Variants in PPARA observed in about 807,000 individuals in gnomAD.
The protein encoded by PPARA is peroxisome proliferator-activated receptor alpha.
PPARA carries 22 observed loss-of-function variants against 42.2 expected under a neutral mutation model. The observed-to-expected ratio is 0.52, with a 90% CI of 0.37 to 0.74. The LOEUF is 0.74. Among genes scored for constraint, PPARA ranks in the 30% least tolerant of loss-of-function variants. The pLI is 0.00. For synonymous variants in PPARA, 242 were observed against 239.3 expected (o/e 1.01, Z -0.10); for missense variants, 465 against 608.2 (o/e 0.76, Z 2.48).
Position 46,156,324 on chromosome 22 carries a change from C to T in PPARA, c.-127+4354C>T, listed in dbSNP as rs1024849742. 1.3e-5 allele frequency: 2 copies of T among 152,172 alleles called. No individual in the cohort carries two copies. The highest frequency in any genetic ancestry group is 2.9e-5 in the Non-Finnish European group (2 of 68,042). The allele number at this position is 152,172 out of a possible 1,614,324, so 9.4% of individuals were successfully genotyped here. A position where few individuals can be genotyped will look rare whatever the true frequency, so the allele number is the denominator to read the frequency against. On this transcript the variant is annotated intron_variant, in intron 2 of 8. Coordinates refer to ENST00000407236, the MANE Select transcript of PPARA (RefSeq NM_005036.6). This position sits in a 1 kb window ranked among gnomAD's most constrained non-coding sequence, Gnocchi z 5.2. ...AAAATGAAGTTCCTCTCCATACCAC[C>T]TCTCTGAAGGGCTGTGAAGCTCGAA...
At position 46,240,398 on chromosome 22, in the gene PPARA, G is replaced by C. The variant is rs1936340836; in HGVS notation, c.*5018G>C. 1.0e-5 allele frequency: 4 copies of C among 396,384 alleles called. No homozygotes were observed. Among genetic ancestry groups the C allele is most frequent in the Non-Finnish European group, 1.8e-5 (4 of 225,222 alleles). The allele number at this position is 396,384 out of a possible 1,614,324, so 24.6% of individuals were successfully genotyped here. ...CTGTTGTTTCTAGACTCTTGCACCT[G>C]GTGAGTGCAAGGATAGGTGACCCAG... On this transcript the variant is annotated 3_prime_UTR_variant, in exon 9 of 9. Coordinates refer to ENST00000407236, the MANE Select transcript of PPARA (RefSeq NM_005036.6). This position sits in a 1 kb window ranked among gnomAD's most constrained non-coding sequence, Gnocchi z 6.0.
chr22:46,166,282 T>G (rs959392965), intron 2 of PPARA, among the ~76,000 whole-genome samples: 1 of 152,146 alleles, frequency 6.6e-6, no homozygotes, highest in East Asian at 1.9e-4. Context: ...TTTTGTCTAC[T>G]CTTTGTCTCT....
At chr22:46,198,658 C>CAT in intron 4 of PPARA, 67 bp downstream of exon 4, 1 of 843,224 alleles carries the variant, frequency 1.2e-6, no homozygotes, top group Non-Finnish European at 1.7e-6. Flanking sequence ...ACTGTTCTCT[C>CAT]TTTTTTTTTT....
In PPARA at chr22:46,240,149, A is replaced by T. The variant is rs1458869493; in HGVS notation, c.*4769A>T. Reference sequence around the variant, plus strand: ...AACAGTGTGGCCTTTCAAAATGCAGATGCCACCAGGAGAACATGCCCACAG... The same window carrying T: ...AACAGTGTGGCCTTTCAAAATGCAGTTGCCACCAGGAGAACATGCCCACAG... On this transcript the variant is annotated 3_prime_UTR_variant, in exon 9 of 9. Coordinates refer to ENST00000407236, the MANE Select transcript of PPARA (RefSeq NM_005036.6). This position sits in a 1 kb window ranked among gnomAD's most constrained non-coding sequence, Gnocchi z 6.0. 1 of 398,604 alleles carries T rather than the reference A, an allele frequency of 2.5e-6. No individual in the cohort carries two copies. The highest frequency in any genetic ancestry group is 2.1e-5 in the African/African-American group (1 of 48,630). The allele number at this position is 398,604 out of a possible 1,614,324, so 24.7% of individuals were successfully genotyped here.
intron 4 of PPARA, among the ~76,000 whole-genome samples, chr22:46,205,536 A>G (rs866753473): frequency 1.0e-4 from 3 of 29,834 alleles, no homozygotes; most frequent in East Asian, 8.2e-4. Flanking sequence ...ATATATATAT[A>G]TATATATATA....
intron 2 of PPARA, among the ~76,000 whole-genome samples, chr22:46,166,045 G>A (rs992221334): frequency 5.9e-5 from 9 of 152,002 alleles, no homozygotes; most frequent in Admixed American, 2.0e-4. Context: ...AAATTATAGT[G>A]GTCTCCCAAC....
At position 46,204,010 on chromosome 22, in the gene PPARA, C is replaced by T. The variant is rs781237066; in HGVS notation, c.208+5419C>T. ...TTTCTAATTCCTCTTTCCCCAGCCCCGTGCCTCCCTGCCTCCCTCCCCCAG... is the reference window on the plus strand; with the variant it reads ...TTTCTAATTCCTCTTTCCCCAGCCCTGTGCCTCCCTGCCTCCCTCCCCCAG... On this transcript the variant is annotated intron_variant, in intron 4 of 8. Transcript: ENST00000407236. This position sits in a 1 kb window ranked among gnomAD's most constrained non-coding sequence, Gnocchi z 5.2. Among the ~76,000 whole-genome samples, 33 of 152,228 alleles carry T rather than the reference C, an allele frequency of 2.2e-4. No individual in the cohort carries two copies. Among genetic ancestry groups the T allele is most frequent in the African/African-American group, 6.0e-4 (25 of 41,464 alleles).
rs1277686141 is a variant in PPARA at position 46,192,233 on chromosome 22, G to A, written c.-42-6109G>A. Among the ~76,000 whole-genome samples, 1 of 152,202 alleles carries A rather than the reference G, an allele frequency of 6.6e-6. No individual in the cohort carries two copies. Among genetic ancestry groups the A allele is most frequent in the African/African-American group, 2.4e-5 (1 of 41,434 alleles). The stretch of plus-strand genomic sequence containing the variant: ...AGTTTCAACAGCACAGATAATCAGG[G>A]CTACACCAGAATTGGGCCCAAGATG... On this transcript the variant is annotated intron_variant, in intron 3 of 8. Coordinates refer to ENST00000407236, the MANE Select transcript of PPARA (RefSeq NM_005036.6). The surrounding 1 kb of genome is among the most constrained non-coding windows in gnomAD (Gnocchi z 4.3).
intron 3 of PPARA, 71 bp from the exon 4 acceptor site, chr22:46,198,271 A>G: frequency 1.6e-6 from 1 of 638,316 alleles, no homozygotes; most frequent in Non-Finnish European, 2.4e-6. Flanking sequence ...TAAATAAATA[A>G]TAAAAAATAA....
intron 3 of PPARA, among the ~76,000 whole-genome samples, chr22:46,189,133 C>A (rs1931212621): frequency 6.6e-6 from 1 of 152,222 alleles, no homozygotes. Flanking sequence ...GGCCTCTCGG[C>A]CTACTCTAAT....
At position 46,222,645 on chromosome 22, in the gene PPARA, T is replaced by A. The variant is rs1935094106; in HGVS notation, c.711+2631T>A. ...GGTAACTTTTAGCTTCGAGTCTCTA[T>A]CCTGGATATGATTAGTACAGCCCAA... is the stretch of plus-strand genomic sequence containing the variant. On this transcript the variant is annotated intron_variant, in intron 7 of 8. Transcript: ENST00000407236. The surrounding 1 kb of genome is among the most constrained non-coding windows in gnomAD (Gnocchi z 5.9). 6.6e-6 allele frequency among the ~76,000 whole-genome samples: 1 copy of A among 152,222 alleles called. No homozygotes were observed. The highest frequency in any genetic ancestry group is 1.5e-5 in the Non-Finnish European group (1 of 68,042).
In PPARA at chr22:46,225,490, C is replaced by T. The variant is rs116646539; in HGVS notation, c.711+5476C>T. Among the ~76,000 whole-genome samples, 1,996 of 152,212 alleles carry T rather than the reference C, an allele frequency of 0.013. 41 individuals are homozygous for T. The highest frequency in any genetic ancestry group is 0.046 in the African/African-American group (1,910 of 41,504). On this transcript the variant is annotated intron_variant, in intron 7 of 8. Coordinates refer to ENST00000407236, the MANE Select transcript of PPARA (RefSeq NM_005036.6). The surrounding 1 kb of genome is among the most constrained non-coding windows in gnomAD (Gnocchi z 4.1). ...GAGTCAGTGCCTTCTGTGTGATGCA[C>T]GCTCATGCACAAATGCACGCACATA...
rs997471647 is a variant in PPARA, at chr22:46,219,685, G to A, written c.509-127G>A. On this transcript the variant is annotated intron_variant, in intron 6 of 8. Transcript: ENST00000407236. The surrounding 1 kb of genome is among the most constrained non-coding windows in gnomAD (Gnocchi z 4.8). The stretch of plus-strand genomic sequence containing the variant: ...TAGTGGAAAGCCGAATAGTAATGAA[G>A]GATGGGTCTGAACTGCCTGTGAATT... 3.3e-5 allele frequency: 29 copies of A among 888,528 alleles called. No homozygotes were observed. In the African/African-American group the frequency reaches 4.8e-4, roughly 15 times the overall value. The allele number at this position is 888,528 out of a possible 1,614,324, so 55.0% of individuals were successfully genotyped here. A position where few individuals can be genotyped will look rare whatever the true frequency, so the allele number is the denominator to read the frequency against.
intron 2 of PPARA, among the ~76,000 whole-genome samples, chr22:46,157,831 A>T (rs1925551801): frequency 6.6e-6 from 1 of 152,214 alleles, no homozygotes; most frequent in Non-Finnish European, 1.5e-5. Context: ...TCCAGGAGGC[A>T]GGACTCATCG....
rs1473152766 is a variant in PPARA, at chr22:46,195,249, T to A, written c.-42-3093T>A. Reference sequence around the variant, plus strand: ...GGATGAACCTCATGGTTAATACAGTTAGTTAGTGACTGCAACTTTTGAACT... The same window carrying A: ...GGATGAACCTCATGGTTAATACAGTAAGTTAGTGACTGCAACTTTTGAACT... On this transcript the variant is annotated intron_variant, in intron 3 of 8. Transcript: ENST00000407236. This position sits in a 1 kb window ranked among gnomAD's most constrained non-coding sequence, Gnocchi z 4.6. Among the ~76,000 whole-genome samples the A allele has an allele frequency of 6.6e-6, 1 of 152,178 alleles. No homozygotes were observed. The highest frequency in any genetic ancestry group is 1.5e-5 in the Non-Finnish European group (1 of 68,030).
At chr22:46,189,710 TTC>T (rs1263794401) in intron 3 of PPARA, among the ~76,000 whole-genome samples, 1 of 151,320 alleles carries the variant, frequency 6.6e-6, no homozygotes, top group East Asian at 1.9e-4. Context: ...TCTATTTTTT[TTC>T]TTTTTTTTTT....
rs769624120 is a variant in PPARA at position 46,180,967 on chromosome 22, G to A, written c.-43+4131G>A. 1.3e-5 allele frequency among the ~76,000 whole-genome samples: 2 copies of A among 152,138 alleles called. No homozygotes were observed. The highest frequency in any genetic ancestry group is 2.9e-5 in the Non-Finnish European group (2 of 68,030). Reference sequence around the variant, plus strand: ...CGGTGTCCTTCCTAGACAGCACAACGGAACCTATAAAGGGGTTGCAGGACG... The same window carrying A: ...CGGTGTCCTTCCTAGACAGCACAACAGAACCTATAAAGGGGTTGCAGGACG... On this transcript the variant is annotated intron_variant, in intron 3 of 8. Coordinates refer to ENST00000407236, the MANE Select transcript of PPARA (RefSeq NM_005036.6). The surrounding 1 kb of genome is among the most constrained non-coding windows in gnomAD (Gnocchi z 4.2).
rs1360764909 is a variant in PPARA at position 46,192,503 on chromosome 22, G to A, written c.-42-5839G>A. Among the ~76,000 whole-genome samples, 3 of 152,126 alleles carry A rather than the reference G, an allele frequency of 2.0e-5. No homozygotes were observed. The highest frequency in any genetic ancestry group is 1.9e-4 in the East Asian group (1 of 5,202). ...TCCTCTTGTATTTGTCTGTTTTTAA[G>A]TGTTCTACAATTTTCATATACTCTG... On this transcript the variant is annotated intron_variant, in intron 3 of 8. Transcript: ENST00000407236. This position sits in a 1 kb window ranked among gnomAD's most constrained non-coding sequence, Gnocchi z 4.3.
In PPARA at chr22:46,150,676, CGGGCGGGA is replaced by C. The variant is rs1924251075; in HGVS notation, c.-210+25_-210+32del. 2.7e-5 allele frequency: 1 copy of C among 36,772 alleles called. No individual in the cohort carries two copies. Among genetic ancestry groups the C allele is most frequent in the African/African-American group, 1.0e-4 (1 of 9,568 alleles). The allele number at this position is 36,772 out of a possible 1,614,324, so 2.3% of individuals were successfully genotyped here. On this transcript the variant is annotated intron_variant, in intron 1 of 8. Transcript: ENST00000407236. This position sits in a 1 kb window ranked among gnomAD's most constrained non-coding sequence, Gnocchi z 7.5. ...AGGTGCCCGGGGGCGGGCGGGCGGG[CGGGCGGGA>C]ACGCGCGCGGGGGTCCGCGGTCCGG...
Sources: allele counts gnomAD v4.1 joint callset (sites outside exome capture counted in the v4.1 genomes callset), GRCh38; gene constraint gnomAD v4.1.1; non-coding constraint Gnocchi (gnomAD v3.1); transcripts MANE v1.5; gene names NCBI Gene and HGNC (gene_info 2026-07-23, HGNC 2026-07-21).